RTN1: variants seen among roughly 807,000 people sequenced by gnomAD.
The protein encoded by RTN1 is reticulon 1.
Under a neutral mutation model 65.5 loss-of-function variants are expected in RTN1, and 25 were observed. That is an observed-to-expected ratio of 0.38 (90% CI 0.28 to 0.53). The LOEUF (loss-of-function observed/expected upper bound fraction) is 0.53, where lower values mean the gene tolerates loss of function less well. RTN1 is among the 20% of genes least tolerant of loss of function. The pLI is 0.79. For synonymous variants in RTN1, 471 were observed against 447.6 expected, an observed-to-expected ratio of 1.05 and a Z score of -0.66; for missense variants, 983 against 1,025.4, an observed-to-expected ratio of 0.96 and a Z score of 0.57.
chr14:59,748,716 C>T (rs1453873642), intron 1 of RTN1, among the ~76,000 whole-genome samples: 1 of 152,052 alleles, frequency 6.6e-6, no homozygotes, highest in African/African-American at 2.4e-5. Flanking sequence ...ATTTTGCTCA[C>T]CAATATAGGC....
chr14:59,664,635 G>C (rs1883326987), intron 3 of RTN1, among the ~76,000 whole-genome samples: 1 of 152,062 alleles, frequency 6.6e-6, no homozygotes, highest in Non-Finnish European at 1.5e-5. Context: ...TGTATTTTCT[G>C]TATCATATGA....
chr14:59,746,329 C>A lies in RTN1; in HGVS notation c.394G>T (p.Gly132Cys). The change falls in exon 2 of 9, where the codon GGC (glycine) becomes TGC (cysteine). Residue 132 changes from glycine to cysteine, a missense_variant. Around this residue, in one of 2 missense-constraint regions of RTN1, gnomAD observed 818 missense variants for 801.8 expected, o/e 1.02. Coordinates refer to ENST00000267484, the MANE Select transcript of RTN1 (RefSeq NM_021136.3). ...GGGCTCTCTGAAATGGTGACGTGGC[C>A]ATTTTCCTTCTGAAGAATTCCAGTA... is the stretch of plus-strand genomic sequence containing the variant. ...YFTGILQKEN[G>C]HVTISESPEE... is the part of the protein sequence containing the mutation. The A allele has an allele frequency of 6.2e-7, 1 of 1,614,168 alleles. No individual in the cohort carries two copies. Among genetic ancestry groups the A allele is most frequent in the Non-Finnish European group, 8.5e-7 (1 of 1,180,016 alleles).
intron 3 of RTN1, among the ~76,000 whole-genome samples, chr14:59,633,597 A>C (rs1882601613): frequency 6.6e-6 from 1 of 152,260 alleles, no homozygotes; most frequent in Admixed American, 6.5e-5. Flanking sequence ...ATTTTCCTTA[A>C]GTGGTGAAAG....
intron 3 of RTN1, among the ~76,000 whole-genome samples, chr14:59,718,866 A>C (rs1884592137): frequency 6.6e-6 from 1 of 152,180 alleles, no homozygotes; most frequent in Non-Finnish European, 1.5e-5. Flanking sequence ...ATTGGGGATA[A>C]AGTCACCCCT....
intron 3 of RTN1, among the ~76,000 whole-genome samples, chr14:59,703,218 G>A (rs1884217517): frequency 6.6e-6 from 1 of 152,062 alleles, no homozygotes; most frequent in Non-Finnish European, 1.5e-5. Context: ...TATATTATAT[G>A]ATATCGTTTG....
Position 59,870,574 on chromosome 14 carries a change from G to A in RTN1, c.57C>T (p.Ser19=). 1 of 1,454,554 alleles carries A rather than the reference G, an allele frequency of 6.9e-7. No homozygotes were observed. The highest frequency in any genetic ancestry group is 1.3e-5 in the South Asian group (1 of 74,758). 90.1% of individuals were successfully genotyped at this position (1,454,554 alleles called of 1,614,324 possible). ...DELLPLAGPG[S]QWLRHRGEGE... The stretch of plus-strand genomic sequence containing the variant: ...CCTCCCCCCGGTGCCTGAGCCACTG[G>A]GACCCGGGGCCGGCCAGCGGCAGCA... Residue 19 remains serine, a synonymous_variant, in exon 1 of 9, where the codon TCC becomes TCT. Coordinates refer to ENST00000267484, the MANE Select transcript of RTN1 (RefSeq NM_021136.3). This position sits in a 1 kb window ranked among gnomAD's most constrained non-coding sequence, Gnocchi z 5.1.
chr14:59,708,160 G>A (rs1191060441), intron 3 of RTN1, among the ~76,000 whole-genome samples: 2 of 152,188 alleles, frequency 1.3e-5, no homozygotes, highest in African/African-American at 2.4e-5. Flanking sequence ...ACAGGAATAT[G>A]TTAATATTAT....
chr14:59,813,897 G>A (rs974734923), intron 1 of RTN1, among the ~76,000 whole-genome samples: 5 of 151,914 alleles, frequency 3.3e-5, no homozygotes, highest in Admixed American at 2.0e-4. Context: ...ACTGATAGAC[G>A]TCATGATCAA....
intron 1 of RTN1, among the ~76,000 whole-genome samples, chr14:59,857,275 T>C (rs892815942): frequency 6.6e-5 from 10 of 152,198 alleles, no homozygotes; most frequent in Non-Finnish European, 8.8e-5. Context: ...ATAATCTCTA[T>C]GGCTTCTCTT....
At chr14:59,741,933 T>C (rs1885124898) in intron 2 of RTN1, among the ~76,000 whole-genome samples, 1 of 152,210 alleles carries the variant, frequency 6.6e-6, no homozygotes, top group South Asian at 2.1e-4. Flanking sequence ...TCACTCTTTC[T>C]AGTGCTCACA....
chr14:59,632,538 T>C (rs1441028340), intron 3 of RTN1, among the ~76,000 whole-genome samples: 1 of 151,666 alleles, frequency 6.6e-6, no homozygotes, highest in Non-Finnish European at 1.5e-5. Context: ...TTTAGAGCTG[T>C]GGCCACTAGG....
Position 59,727,811 on chromosome 14 carries a change from A to G in RTN1, c.1016-143T>C. On this transcript the variant is annotated intron_variant, in intron 2 of 8. Transcript: ENST00000267484. This position sits in a 1 kb window ranked among gnomAD's most constrained non-coding sequence, Gnocchi z 4.2. ...GAAACACATATCTCATTAGCACAAAAATAATCTGTTTCCAGGGCTATGCTG... is the reference window on the plus strand; with the variant it reads ...GAAACACATATCTCATTAGCACAAAGATAATCTGTTTCCAGGGCTATGCTG... The G allele has an allele frequency of 8.3e-7, 1 of 1,200,770 alleles. No homozygotes were observed. The highest frequency in any genetic ancestry group is 1.1e-6 in the Non-Finnish European group (1 of 894,208). The allele number at this position is 1,200,770 out of a possible 1,614,324, so 74.4% of individuals were successfully genotyped here.
chr14:59,828,071 A>G (rs899848260), intron 1 of RTN1, among the ~76,000 whole-genome samples: 4 of 152,142 alleles, frequency 2.6e-5, no homozygotes, highest in African/African-American at 9.6e-5. Context: ...ACTTTTATTC[A>G]CCTTATATTG....
intron 1 of RTN1, among the ~76,000 whole-genome samples, chr14:59,756,480 C>T (rs1885639450): frequency 6.6e-6 from 1 of 152,052 alleles, no homozygotes; most frequent in African/African-American, 2.4e-5. Flanking sequence ...ATTCAACCAC[C>T]ACCACTATCT....
In RTN1 at chr14:59,829,759, T is replaced by C. The variant is rs1887094435; in HGVS notation, c.241+40631A>G. ...GAGGAAGGAAATGTGGTGAAGCACA[T>C]ACTCACTCTTAAAACTTTTACCCTG... is the stretch of plus-strand genomic sequence containing the variant. On this transcript the variant is annotated intron_variant, in intron 1 of 8. Coordinates refer to ENST00000267484, the MANE Select transcript of RTN1 (RefSeq NM_021136.3). The surrounding 1 kb of genome is among the most constrained non-coding windows in gnomAD (Gnocchi z 4.3). 6.6e-6 allele frequency among the ~76,000 whole-genome samples: 1 copy of C among 152,126 alleles called. No individual in the cohort carries two copies.
chr14:59,734,905 T>C (rs1320332675), intron 2 of RTN1, among the ~76,000 whole-genome samples: 2 of 151,706 alleles, frequency 1.3e-5, no homozygotes, highest in Non-Finnish European at 2.9e-5. Context: ...AGATAATCAA[T>C]GAAAAGATCA....
chr14:59,749,610 TA>T (rs1885375351), intron 1 of RTN1, among the ~76,000 whole-genome samples: 1 of 73,922 alleles, frequency 1.4e-5, no homozygotes, highest in Non-Finnish European at 2.1e-5. Flanking sequence ...TATCTATATA[TA>T]TTTATATAGA....
At chr14:59,652,334 T>C (rs1036973906) in intron 3 of RTN1, among the ~76,000 whole-genome samples, 2 of 152,184 alleles carry the variant, frequency 1.3e-5, no homozygotes, top group African/African-American at 4.8e-5. Context: ...ACTAGGTATA[T>C]ACCCAAAGGA....
intron 3 of RTN1, among the ~76,000 whole-genome samples, chr14:59,711,588 A>T (rs1884419600): frequency 6.6e-6 from 1 of 152,246 alleles, no homozygotes; most frequent in African/African-American, 2.4e-5. Context: ...ACCTTTGTGT[A>T]TGGAGTTGCC....
Sources: allele counts gnomAD v4.1 joint callset (sites outside exome capture counted in the v4.1 genomes callset), GRCh38; gene constraint gnomAD v4.1.1; regional missense constraint gnomAD v4.1.1; non-coding constraint Gnocchi (gnomAD v3.1); transcripts MANE v1.5; gene names NCBI Gene and HGNC (gene_info 2026-07-23, HGNC 2026-07-21).